The following PRKCZ variants were observed in gnomAD, a reference collection of about 807,000 sequenced individuals.
PRKCZ encodes protein kinase C zeta.
In PRKCZ, 33 loss-of-function variants were observed where a neutral mutation model predicts 79.5. The observed-to-expected ratio is 0.41, with a 90% CI of 0.31 to 0.55. The LOEUF (loss-of-function observed/expected upper bound fraction) is 0.55. Among genes scored for constraint, PRKCZ ranks in the 20% least tolerant of loss-of-function variants. PRKCZ has a pLI of 0.19. For synonymous variants in PRKCZ, 342 were observed against 320.9 expected (o/e 1.07, Z -0.70); for missense variants, 578 against 813.5 (o/e 0.71, Z 3.52).
chr1:2,157,836 C>G (rs1484519447), intron 10 of PRKCZ, among the ~76,000 whole-genome samples: 2 of 152,124 alleles, frequency 1.3e-5, no homozygotes, highest in Non-Finnish European at 2.9e-5. Context: ...CACCACTCTG[C>G]CTGGCGGTCA....
Position 2,120,329 on chromosome 1 carries a change from C to T in PRKCZ, c.335-14933C>T, listed in dbSNP as rs149728597. ...TTTTTTTTTTTTTTTTTTTGAGTCT[C>T]GCTCTTGTTGCCCAGGCTGGAGTGC... On this transcript the variant is annotated intron_variant, in intron 4 of 17. Coordinates refer to ENST00000378567, the MANE Select transcript of PRKCZ (RefSeq NM_002744.6). 3.6e-3 allele frequency among the ~76,000 whole-genome samples: 235 copies of T among 65,464 alleles called. 2 individuals carry two copies. Among genetic ancestry groups the T allele is most frequent in the Middle Eastern group, 0.02 (1 of 50 alleles). 42.9% of individuals were successfully genotyped at this position (65,464 alleles called of 152,430 possible).
intron 5 of PRKCZ, chr1:2,142,399 C>CAG (rs1229216556): frequency 9.5e-6 from 1 of 105,478 alleles, no homozygotes; most frequent in Non-Finnish European, 1.9e-5. Context: ...ATCCAGGGTC[C>CAG]AGGCATCTAG....
At chr1:2,095,651 C>CTGG (rs1473267426) in intron 4 of PRKCZ, among the ~76,000 whole-genome samples, 3 of 152,028 alleles carry the variant, frequency 2.0e-5, no homozygotes, top group Non-Finnish European at 2.9e-5. Flanking sequence ...CTCCCGCAGC[C>CTGG]TGGCATGGGC....
In PRKCZ at chr1:2,146,011, T is replaced by C; in HGVS notation, c.553-16T>C. On this transcript the variant is annotated splice_polypyrimidine_tract_variant and intron_variant, in intron 6 of 17. Transcript: ENST00000378567. Reference sequence around the variant, plus strand: ...TAGCACTTGGTCATGCTGCCATCTCTGTGTCTCTCCGGCAGGATTCTGTCA... The same window carrying C: ...TAGCACTTGGTCATGCTGCCATCTCCGTGTCTCTCCGGCAGGATTCTGTCA... The C allele has an allele frequency of 6.2e-7, 1 of 1,602,110 alleles. No individual in the cohort carries two copies. The highest frequency in any genetic ancestry group is 8.6e-7 in the Non-Finnish European group (1 of 1,169,012).
intron 1 of PRKCZ, 30 bp downstream of exon 1, chr1:2,050,731 C>A: frequency 9.6e-6 from 3 of 311,238 alleles, no homozygotes; most frequent in Non-Finnish European, 1.5e-5. Context: ...GGGAGCGGCG[C>A]GGGTGAGGCA....
intron 5 of PRKCZ, among the ~76,000 whole-genome samples, chr1:2,135,622 G>A (rs1239005443): frequency 1.3e-5 from 2 of 152,358 alleles, no homozygotes; most frequent in South Asian, 2.1e-4. Flanking sequence ...AGGGCTCAGG[G>A]CTCACTGGCC....
intron 10 of PRKCZ, among the ~76,000 whole-genome samples, chr1:2,159,471 G>A (rs1681794388): frequency 6.6e-6 from 1 of 152,254 alleles, no homozygotes; most frequent in South Asian, 2.1e-4. Context: ...CTTCGCTCTG[G>A]GCGGCCTCAC....
intron 16 of PRKCZ, among the ~76,000 whole-genome samples, chr1:2,180,634 A>T (rs550260644): frequency 1.3e-5 from 2 of 152,144 alleles, no homozygotes; most frequent in South Asian, 4.1e-4. Context: ...GACGACTCAG[A>T]TGCACGGACA....
chr1:2,093,871 G>A lies in PRKCZ; in HGVS notation c.334+34280G>A, dbSNP rs769760396. On this transcript the variant is annotated intron_variant, in intron 4 of 17. Coordinates refer to ENST00000378567, the MANE Select transcript of PRKCZ (RefSeq NM_002744.6). ...GGCACGGGACGAGCCGAGGATCCCC[G>A]CGTCGACGTGGAGGTCCGCGGCCGT... is the stretch of plus-strand genomic sequence containing the variant. 1.2e-4 allele frequency among the ~76,000 whole-genome samples: 18 copies of A among 152,280 alleles called. 1 individual carries two copies. Among genetic ancestry groups the A allele is most frequent in the Admixed American group, 8.5e-4 (13 of 15,310 alleles).
chr1:2,121,705 C>T (rs71511331), intron 4 of PRKCZ, among the ~76,000 whole-genome samples: 251 of 3,198 alleles, frequency 0.078, 24 homozygotes, highest in African/African-American at 0.25. Flanking sequence ...GTTAGGGTCA[C>T]GGTGGTAGTT....
rs140302892 is a variant in PRKCZ, at chr1:2,070,178, G to T, written c.334+10587G>T. On this transcript the variant is annotated intron_variant, in intron 4 of 17. Coordinates refer to ENST00000378567, the MANE Select transcript of PRKCZ (RefSeq NM_002744.6). Reference sequence around the variant, plus strand: ...GCTGCCCTGTGCATTTCATGTTGTTGGTTCCTGCCTGTCCACAGCACAGAT... The same window carrying T: ...GCTGCCCTGTGCATTTCATGTTGTTTGTTCCTGCCTGTCCACAGCACAGAT... 5.9e-5 allele frequency among the ~76,000 whole-genome samples: 9 copies of T among 152,142 alleles called. No individual in the cohort carries two copies. In the East Asian group the frequency reaches 1.7e-3, roughly 29 times the overall value.
intron 4 of PRKCZ, among the ~76,000 whole-genome samples, chr1:2,071,939 A>C (rs888608418): frequency 2.0e-5 from 3 of 152,238 alleles, no homozygotes; most frequent in Non-Finnish European, 2.9e-5. Flanking sequence ...AACTTTATGC[A>C]CGCTGAAATC....
At chr1:2,179,886 G>A (rs1572040383) in intron 16 of PRKCZ, among the ~76,000 whole-genome samples, 1 of 152,316 alleles carries the variant, frequency 6.6e-6, no homozygotes, top group South Asian at 2.1e-4. Context: ...TGCGCAAGGA[G>A]CCGGCGGCAG....
chr1:2,049,323 T>C (rs1302775592), upstream of PRKCZ: 2 of 150,526 alleles, frequency 1.3e-5, no homozygotes, highest in Non-Finnish European at 3.0e-5. Flanking sequence ...GCTCGGTGGG[T>C]GGAGGGAGGG....
chr1:2,129,951 G>A (rs1327665645), intron 4 of PRKCZ, among the ~76,000 whole-genome samples: 1 of 152,318 alleles, frequency 6.6e-6, no homozygotes, highest in East Asian at 1.9e-4. Context: ...TGCCCAGGCT[G>A]GAATACAGTG....
At chr1:2,141,349 T>TTC (rs1348319742) in intron 5 of PRKCZ, 2 of 126,324 alleles carry the variant, frequency 1.6e-5, no homozygotes, top group Non-Finnish European at 3.7e-5. Flanking sequence ...CTTTTTCTTT[T>TTC]TTTTTTTTTT....
At chr1:2,053,252 C>T (rs1329928622) in intron 1 of PRKCZ, among the ~76,000 whole-genome samples, 2 of 152,146 alleles carry the variant, frequency 1.3e-5, no homozygotes, top group East Asian at 1.9e-4. Context: ...AGACGCCCGC[C>T]ACCACGCCCG....
intron 4 of PRKCZ, chr1:2,073,544 C>A: frequency 1.2e-6 from 1 of 855,434 alleles, no homozygotes; most frequent in Non-Finnish European, 1.4e-6. Context: ...AGTCCGAGCC[C>A]TGCCTGGGTC....
chr1:2,104,759 C>G (rs761980380), intron 4 of PRKCZ: 255 of 985,774 alleles, frequency 2.6e-4, no homozygotes, highest in Middle Eastern at 1.6e-3. Context: ...AGCGGGCTGG[C>G]CTGCGGGGCT....
Sources: gnomAD v4.1 joint callset for allele counts (sites outside exome capture counted in the v4.1 genomes callset) on GRCh38, gnomAD v4.1.1 for gene constraint, MANE v1.5 for transcripts, NCBI Gene and HGNC (gene_info 2026-07-23, HGNC 2026-07-21) for gene names.